Variants in MMP13 observed in about 807,000 individuals in gnomAD.
The protein encoded by MMP13 is collagenase 3.
A neutral mutation model predicts 52.1 loss-of-function variants in MMP13; 45 were observed. That is an observed-to-expected ratio of 0.86 (90% confidence interval 0.68 to 1.11). The LOEUF is 1.11. MMP13 is among the 50% of genes least tolerant of loss of function. The probability of loss-of-function intolerance (pLI) is 0.00; values close to 1 mark genes in which losing one functional copy is unlikely to be tolerated. For missense variants in MMP13, 576 were observed against 583.8 expected (o/e 0.99, Z 0.14); for synonymous variants, 200 against 204.4 (o/e 0.98, Z 0.18).
Position 102,952,506 on chromosome 11 carries a change from A to G in MMP13, c.638-333T>C, listed in dbSNP as rs1000624879. The stretch of plus-strand genomic sequence containing the variant: ...GATTTGCGCTTAGTATTCTCAGGTC[A>G]GGTGAGGGAAGTGGACAGAGATTAC... On this transcript the variant is annotated intron_variant, in intron 4 of 9. Coordinates refer to ENST00000260302, the MANE Select transcript of MMP13 (RefSeq NM_002427.4). The surrounding 1 kb of genome is among the most constrained non-coding windows in gnomAD (Gnocchi z 4.3). Among the ~76,000 whole-genome samples the G allele has an allele frequency of 6.6e-6, 1 of 152,174 alleles. No individual in the cohort carries two copies. The highest frequency in any genetic ancestry group is 1.5e-5 in the Non-Finnish European group (1 of 68,016).
intron 9 of MMP13, 64 bp from the exon 10 acceptor site, chr11:102,944,430 T>G: frequency 3.4e-6 from 4 of 1,165,760 alleles, no homozygotes; most frequent in Non-Finnish European, 5.1e-6. Context: ...ATCCAGTTAA[T>G]ATTAATGGTT....
chr11:102,950,983 G>A (rs1860602391), intron 5 of MMP13, among the ~76,000 whole-genome samples: 1 of 152,146 alleles, frequency 6.6e-6, no homozygotes, highest in African/African-American at 2.4e-5. Flanking sequence ...AATCTAGAGG[G>A]TAAAAGAATG....
At chr11:102,946,417 A>G (rs1860508418) in intron 8 of MMP13, among the ~76,000 whole-genome samples, 1 of 152,350 alleles carries the variant, frequency 6.6e-6, no homozygotes, top group African/African-American at 2.4e-5. Context: ...GTAAAAGATA[A>G]GAACCACTAA....
In MMP13 at chr11:102,949,503, T is replaced by C. The variant is rs1429061843; in HGVS notation, c.918-345A>G. 6.6e-6 allele frequency among the ~76,000 whole-genome samples: 1 copy of C among 152,128 alleles called. No individual in the cohort carries two copies. Among genetic ancestry groups the C allele is most frequent in the Non-Finnish European group, 1.5e-5 (1 of 68,016 alleles). Reference sequence around the variant, plus strand: ...GAGAGAAGATATGAGTTATATGAACTATGTCTTCCATGGTCTCATGGCCTG... The same window carrying C: ...GAGAGAAGATATGAGTTATATGAACCATGTCTTCCATGGTCTCATGGCCTG... On this transcript the variant is annotated intron_variant, in intron 6 of 9. Transcript: ENST00000260302. This position sits in a 1 kb window ranked among gnomAD's most constrained non-coding sequence, Gnocchi z 4.2.
Position 102,954,197 on chromosome 11 carries a change from G to A in MMP13, c.596C>T (p.Ala199Val). The change falls in exon 4 of 10, where the codon GCC becomes GTC. Residue 199 changes from alanine (A) to valine (V), a missense_variant. Ala to Val is a moderately conservative substitution (Grantham distance 64). Coordinates refer to ENST00000260302, the MANE Select transcript of MMP13 (RefSeq NM_002427.4). ...FPPGPNYGGD[A>V]HFDDDETWTS... ...CCAGGTTTCATCATCATCAAAATGG[G>A]CATCTCCTCCATAATTTGGCCCAGG... 1 of 1,613,478 alleles carries A rather than the reference G, an allele frequency of 6.2e-7. No individual in the cohort carries two copies. The highest frequency in any genetic ancestry group is 1.1e-5 in the South Asian group (1 of 91,064).
chr11:102,945,415 A>G (rs1860485901), intron 9 of MMP13, among the ~76,000 whole-genome samples: 1 of 152,162 alleles, frequency 6.6e-6, no homozygotes, highest in Non-Finnish European at 1.5e-5. Context: ...TTGAAGGTTT[A>G]GCATCTCGTA....
At chr11:102,948,333 A>G (rs1860550944) in intron 7 of MMP13, among the ~76,000 whole-genome samples, 1 of 152,188 alleles carries the variant, frequency 6.6e-6, no homozygotes, top group Non-Finnish European at 1.5e-5. Flanking sequence ...AGCTAGGTGG[A>G]AAAAATACAT....
At position 102,955,514 on chromosome 11, in the gene MMP13, A is replaced by T; in HGVS notation, c.121-21T>A. The T allele has an allele frequency of 6.2e-7, 1 of 1,613,988 alleles. No homozygotes were observed. The highest frequency in any genetic ancestry group is 8.5e-7 in the Non-Finnish European group (1 of 1,179,912). On this transcript the variant is annotated intron_variant, in intron 1 of 9. Transcript: ENST00000260302. The surrounding 1 kb of genome is among the most constrained non-coding windows in gnomAD (Gnocchi z 4.9). Reference sequence around the variant, plus strand: ...TAGCGCTAGAAAAGACACCAAAATGAACTGCGTTTAAAAGAGAAGGACATT... The same window carrying T: ...TAGCGCTAGAAAAGACACCAAAATGTACTGCGTTTAAAAGAGAAGGACATT...
Position 102,955,457 on chromosome 11 carries a change from C to T in MMP13, c.157G>A (p.Ala53Thr), listed in dbSNP as rs776309041. The change falls in exon 2 of 10, where the codon GCG becomes ACG. Residue 53 changes from alanine to threonine, a missense_variant. By Grantham distance (58) the Ala-to-Thr change is moderately conservative. Transcript: ENST00000260302. This position sits in a 1 kb window ranked among gnomAD's most constrained non-coding sequence, Gnocchi z 4.9. ...GCTGCATTCTCCTTCAGGATTCCCG[C>T]GAGATTTGTAGGATGGTAGTATGAT... ...LRSYYHPTNL[A>T]GILKENAASS... The T allele has an allele frequency of 8.1e-6, 13 of 1,613,934 alleles. No individual in the cohort carries two copies. The Admixed American group carries it at 1.7e-4, about 21-fold the overall frequency.
chr11:102,944,266 T>A lies in MMP13; in HGVS notation c.1416A>T (p.Ter472TyrextTer4), dbSNP rs1555016390. ...TAAATAACAATTTTTAAAAAGACAC[T>A]TAACACCACAAAATGGAATTTGCTG... ...VMPANSILWC[*>Y] Residue 472 changes from the stop codon to tyrosine, a stop_lost, in exon 10 of 10, where the codon TAA becomes TAT. Coordinates refer to ENST00000260302, the MANE Select transcript of MMP13 (RefSeq NM_002427.4). The A allele has an allele frequency of 6.2e-7, 1 of 1,611,008 alleles. No homozygotes were observed. The highest frequency in any genetic ancestry group is 8.5e-7 in the Non-Finnish European group (1 of 1,177,586).
intron 4 of MMP13, among the ~76,000 whole-genome samples, chr11:102,953,457 A>C (rs546816882): frequency 6.6e-6 from 1 of 152,298 alleles, no homozygotes; most frequent in African/African-American, 2.4e-5. Context: ...TGAAGACAAC[A>C]TCTACTTGTC....
At chr11:102,948,921 T>A (rs1860561211) in intron 7 of MMP13, 104 bp downstream of exon 7, 16 of 1,462,136 alleles carry the variant, frequency 1.1e-5, no homozygotes, top group African/African-American at 1.4e-5. Context: ...GTCTTTAATT[T>A]AGGTATATTT....
At chr11:102,954,011 C>T (rs1860653177) in intron 4 of MMP13, 145 bp downstream of exon 4, 3 of 870,710 alleles carry the variant, frequency 3.4e-6, no homozygotes, top group Non-Finnish European at 3.5e-6. Context: ...CTTGTAGAGA[C>T]ACTAATACAT....
chr11:102,948,737 G>T (rs1860557366), intron 7 of MMP13, among the ~76,000 whole-genome samples: 1 of 152,050 alleles, frequency 6.6e-6, no homozygotes, highest in Non-Finnish European at 1.5e-5. Context: ...TTGGTATAAT[G>T]TTTTCTCAAT....
In MMP13 at chr11:102,955,073, T is replaced by TA. The variant is rs1348858039; in HGVS notation, c.362+178dup. Reference sequence around the variant, plus strand: ...AAAAGAAATACTTTGAGATGCCCACTAAAAAATAATGCTGAGTTAATGTAA... The same window carrying TA: ...AAAAGAAATACTTTGAGATGCCCACTAAAAAAATAATGCTGAGTTAATGTAA... On this transcript the variant is annotated intron_variant, in intron 2 of 9. Transcript: ENST00000260302. The surrounding 1 kb of genome is among the most constrained non-coding windows in gnomAD (Gnocchi z 4.9). Among the ~76,000 whole-genome samples the TA allele has an allele frequency of 2.0e-5, 3 of 152,160 alleles. No individual in the cohort carries two copies. The highest frequency in any genetic ancestry group is 7.2e-5 in the African/African-American group (3 of 41,422).
Position 102,949,193 on chromosome 11 carries a change from T to G in MMP13, c.918-35A>C. 1 of 1,610,266 alleles carries G rather than the reference T, an allele frequency of 6.2e-7. No individual in the cohort carries two copies. Among genetic ancestry groups the G allele is most frequent in the Non-Finnish European group, 8.5e-7 (1 of 1,178,832 alleles). On this transcript the variant is annotated intron_variant, in intron 6 of 9. Transcript: ENST00000260302. This position sits in a 1 kb window ranked among gnomAD's most constrained non-coding sequence, Gnocchi z 4.2. ...AAGTAAAATGGAGTTTTCTGTCACA[T>G]TTTTAAATGCAATATTTCTATCCTG...
chr11:102,944,116 T>C lies in MMP13; in HGVS notation c.*150A>G. ...ATGTGGTTCCAGCCACGCATAGTCA[T>C]ATAGATACTACATATTCAAAGATAA... is the stretch of plus-strand genomic sequence containing the variant. On this transcript the variant is annotated 3_prime_UTR_variant, in exon 10 of 10. Transcript: ENST00000260302. The C allele has an allele frequency of 1.4e-6, 1 of 690,736 alleles. No individual in the cohort carries two copies. Among genetic ancestry groups the C allele is most frequent in the Non-Finnish European group, 2.7e-6 (1 of 370,992 alleles). 42.8% of individuals were successfully genotyped at this position (690,736 alleles called of 1,614,324 possible). A position where few individuals can be genotyped will look rare whatever the true frequency, so the allele number is the denominator to read the frequency against.
Position 102,955,234 on chromosome 11 carries a change from A to C in MMP13, c.362+18T>G, listed in dbSNP as rs753776636. 5.0e-6 allele frequency: 8 copies of C among 1,612,878 alleles called. No homozygotes were observed. Among genetic ancestry groups the C allele is most frequent in the Non-Finnish European group, 6.8e-6 (8 of 1,179,254 alleles). On this transcript the variant is annotated intron_variant, in intron 2 of 9. Transcript: ENST00000260302. This position sits in a 1 kb window ranked among gnomAD's most constrained non-coding sequence, Gnocchi z 4.9. Reference sequence around the variant, plus strand: ...GAAAAGGCTAACAAATATGAAAGAAAGATAGCCTATGATTTACCTGTAGGT... The same window carrying C: ...GAAAAGGCTAACAAATATGAAAGAACGATAGCCTATGATTTACCTGTAGGT...
rs1273772878 is a variant in MMP13, at chr11:102,950,271, A to G, written c.800-44T>C. The G allele has an allele frequency of 3.5e-6, 5 of 1,420,742 alleles. No homozygotes were observed. In the African/African-American group the frequency reaches 4.2e-5, roughly 12 times the overall value. The allele number at this position is 1,420,742 out of a possible 1,614,324, so 88.0% of individuals were successfully genotyped here. On this transcript the variant is annotated intron_variant, in intron 5 of 9. Coordinates refer to ENST00000260302, the MANE Select transcript of MMP13 (RefSeq NM_002427.4). ...AGAGAGAAGTTATGAGTGTGACATT[A>G]CTGATAACCTGAGTCACAGTACAAC...
Sources: allele counts gnomAD v4.1 joint callset (sites outside exome capture counted in the v4.1 genomes callset), GRCh38; gene constraint gnomAD v4.1.1; non-coding constraint Gnocchi (gnomAD v3.1); transcripts MANE v1.5; gene names NCBI Gene and HGNC (gene_info 2026-07-23, HGNC 2026-07-21).